DOCK11: variants seen among roughly 807,000 people sequenced by gnomAD.
DOCK11 encodes the protein dedicator of cytokinesis protein 11.
DOCK11 carries 70 observed loss-of-function variants against 169.1 expected under a neutral mutation model. That is an observed-to-expected ratio of 0.41 (90% CI 0.34 to 0.51). DOCK11 has a LOEUF of 0.51. Ranked by LOEUF, DOCK11 falls within the 20% of genes least tolerant of loss-of-function variation. DOCK11 has a pLI of 0.10. For synonymous variants in DOCK11, 529 were observed against 541.3 expected, an observed-to-expected ratio of 0.98 and a Z score of 0.32; for missense variants, 1,166 against 1,538.8, an observed-to-expected ratio of 0.76 and a Z score of 4.05.
chrX:118,544,639 C>T (rs1006059656), intron 4 of DOCK11, among the ~76,000 whole-genome samples: 11 of 75,696 alleles, frequency 1.5e-4, no homozygotes, highest in African/African-American at 4.8e-4. Context: ...CAGAATTACA[C>T]TGTTGCTTTT....
At chrX:118,627,347 A>T (rs746324464) in intron 32 of DOCK11, among the ~76,000 whole-genome samples, 157 bp from the exon 33 acceptor site, 68 of 110,129 alleles carry the variant, frequency 6.2e-4, no homozygotes, top group East Asian at 1.4e-3. Flanking sequence ...TTTTTTTTTT[A>T]AAAAAGAGTC....
Position 118,658,832 on chromosome X carries a change from A to G in DOCK11, c.4970-3854A>G, listed in dbSNP as rs146848722. On this transcript the variant is annotated intron_variant, in intron 44 of 52. Transcript: ENST00000276202. The stretch of plus-strand genomic sequence containing the variant: ...TTTTCTTTTCCTAAGAGAGGGTACA[A>G]CTGTTTTCCCCAGGGAAGACAAGAG... Among the ~76,000 whole-genome samples the G allele has an allele frequency of 5.4e-3, 601 of 111,790 alleles. 2 individuals are homozygous for G. The highest frequency in any genetic ancestry group is 0.019 in the African/African-American group (576 of 30,763).
chrX:118,680,054 G>C (rs1345142333), intron 48 of DOCK11, among the ~76,000 whole-genome samples: 1 of 105,849 alleles, frequency 9.4e-6, no homozygotes, highest in East Asian at 3.0e-4. Context: ...AGCCTCCTGA[G>C]TAGCTGGGAC....
At chrX:118,655,846 A>T (rs1427984684) in intron 44 of DOCK11, among the ~76,000 whole-genome samples, 1 of 112,394 alleles carries the variant, frequency 8.9e-6, no homozygotes, top group East Asian at 2.8e-4. Flanking sequence ...AAGGAGTCAT[A>T]TCACTCTGGC....
intron 1 of DOCK11, among the ~76,000 whole-genome samples, chrX:118,506,905 G>A (rs1169204916): frequency 5.4e-5 from 6 of 110,784 alleles, no homozygotes; most frequent in Admixed American, 3.9e-4. Flanking sequence ...GCAACATAGC[G>A]AGACCCCCGT....
At chrX:118,529,284 C>T (rs2011454531) in intron 1 of DOCK11, among the ~76,000 whole-genome samples, 2 of 112,127 alleles carry the variant, frequency 1.8e-5, no homozygotes, top group South Asian at 7.3e-4. Flanking sequence ...GCCCGACCAC[C>T]CATACTATTT....
intron 24 of DOCK11, among the ~76,000 whole-genome samples, chrX:118,607,410 G>C (rs181045571): frequency 1.7e-4 from 15 of 90,152 alleles, no homozygotes; most frequent in African/African-American, 6.0e-4. Flanking sequence ...CCACCGTGCC[G>C]GGCCTTCATT....
rs916799993 is a variant in DOCK11 at position 118,563,894 on chromosome X, G to A, written c.694-2111G>A. Among the ~76,000 whole-genome samples the A allele has an allele frequency of 3.6e-5, 4 of 110,207 alleles. No individual in the cohort carries two copies. In the Admixed American group the frequency reaches 3.9e-4, roughly 11 times the overall value. ...TTTTTGTATTTTTAGTAGAGATGTT[G>A]TATAACTTTCTCCTTAGTTCAGTTA... On this transcript the variant is annotated intron_variant, in intron 7 of 52. Transcript: ENST00000276202.
chrX:118,580,662 AT>A (rs58581896), intron 14 of DOCK11, among the ~76,000 whole-genome samples: 10 of 104,573 alleles, frequency 9.6e-5, no homozygotes, highest in African/African-American at 2.4e-4. Flanking sequence ...AGACCCTCTC[AT>A]TTTTTTTTTC....
chrX:118,651,891 C>A (rs2015955235), intron 41 of DOCK11, 73 bp from the exon 42 acceptor site: 20 of 720,215 alleles, frequency 2.8e-5, no homozygotes, highest in Non-Finnish European at 4.0e-5. Context: ...TGCTTATATA[C>A]TTATAAAATG....
rs921789660 is a variant in DOCK11 at position 118,555,654 on chromosome X, G to A, written c.559-5729G>A. Among the ~76,000 whole-genome samples the A allele has an allele frequency of 6.0e-4, 67 of 111,400 alleles. 2 individuals are homozygous for A. Among genetic ancestry groups the A allele is most frequent in the African/African-American group, 1.9e-3 (59 of 30,653 alleles). The stretch of plus-strand genomic sequence containing the variant: ...ATCAGGTTGCCAACGTAGTGGTAGG[G>A]GTTCTTTAGCAGGATGAAGTTCCTG... On this transcript the variant is annotated intron_variant, in intron 6 of 52. Coordinates refer to ENST00000276202, the MANE Select transcript of DOCK11 (RefSeq NM_144658.4).
intron 1 of DOCK11, among the ~76,000 whole-genome samples, chrX:118,497,116 GGTT>G (rs2057543680): frequency 8.9e-6 from 1 of 112,374 alleles, no homozygotes; most frequent in Admixed American, 9.4e-5. Context: ...TTTGTTTTTT[GGTT>G]GTTGTTTTTG....
intron 19 of DOCK11, 116 bp from the exon 20 acceptor site, chrX:118,593,098 C>T: frequency 1.3e-6 from 1 of 792,579 alleles, no homozygotes; most frequent in African/African-American, 2.1e-5. Flanking sequence ...ACTATTTGGC[C>T]ACTTGGCCAG....
chrX:118,532,924 A>T (rs1484953348), intron 1 of DOCK11, among the ~76,000 whole-genome samples: 1 of 110,776 alleles, frequency 9.0e-6, no homozygotes, highest in Non-Finnish European at 1.9e-5. Flanking sequence ...GGTAAACTGA[A>T]GTCAAAGGAG....
intron 1 of DOCK11, among the ~76,000 whole-genome samples, chrX:118,541,111 C>T (rs1007809376): frequency 9.0e-5 from 10 of 110,969 alleles, no homozygotes; most frequent in African/African-American, 3.3e-4. Context: ...CTCAAATAGT[C>T]AGAGAGGTGA....
Position 118,543,382 on chromosome X carries a change from G to A in DOCK11, c.310-129G>A, listed in dbSNP as rs748116922. On this transcript the variant is annotated intron_variant, in intron 3 of 52. Coordinates refer to ENST00000276202, the MANE Select transcript of DOCK11 (RefSeq NM_144658.4). ...AAGAGAGACACAGTTAACCCATAAA[G>A]GAAGATCCCAGTACTAGTAATTGCC... 5 of 490,157 alleles carry A rather than the reference G, an allele frequency of 1.0e-5. No individual in the cohort carries two copies. The South Asian group carries it at 1.4e-4, about 14-fold the overall frequency. 40.4% of individuals were successfully genotyped at this position (490,157 alleles called of 1,213,427 possible).
chrX:118,592,149 G>A (rs756233161), intron 19 of DOCK11, among the ~76,000 whole-genome samples: 88 of 110,592 alleles, frequency 8.0e-4, no homozygotes, highest in African/African-American at 2.8e-3. Context: ...TATATACCCA[G>A]TAATGGGATG....
rs1347366096 is a variant in DOCK11 at position 118,616,530 on chromosome X, T to TA, written c.3292+819_3292+820insA. ...GATGGGGAACTGGAAGTTACTTGTT[T>TA]TTTTTTTGTTTTTGTTTTTGTTTTT... On this transcript the variant is annotated intron_variant, in intron 30 of 52. Coordinates refer to ENST00000276202, the MANE Select transcript of DOCK11 (RefSeq NM_144658.4). Among the ~76,000 whole-genome samples, 4 of 110,503 alleles carry TA rather than the reference T, an allele frequency of 3.6e-5. No individual in the cohort carries two copies. In the East Asian group the frequency reaches 1.1e-3, roughly 31 times the overall value.
At chrX:118,501,605 GA>G (rs1301421525) in intron 1 of DOCK11, among the ~76,000 whole-genome samples, 1 of 112,518 alleles carries the variant, frequency 8.9e-6, no homozygotes, top group African/African-American at 3.2e-5. Flanking sequence ...TGCAGATAAA[GA>G]GCATTACCAT....
Sources: allele counts gnomAD v4.1 joint callset (sites outside exome capture counted in the v4.1 genomes callset), GRCh38; gene constraint gnomAD v4.1.1; transcripts MANE v1.5; gene names NCBI Gene and HGNC (gene_info 2026-07-23, HGNC 2026-07-21).